NAV3: variants seen among roughly 807,000 people sequenced by gnomAD.
NAV3 encodes neuron navigator 3, also known as pore membrane and/or filament interacting like protein 1.
In NAV3, 87 loss-of-function variants were observed where a neutral mutation model predicts 244.7. The observed-to-expected ratio is 0.36, with a 90% confidence interval of 0.30 to 0.42. The LOEUF is 0.42. Ranked by LOEUF, NAV3 falls within the 20% of genes least tolerant of loss-of-function variation. The pLI is 1.00. For synonymous variants in NAV3, 1,126 were observed against 1,042.2 expected (o/e 1.08, Z -1.55); for missense variants, 2,663 against 2,893.3 (o/e 0.92, Z 1.83).
intron 2 of NAV3, among the ~76,000 whole-genome samples, chr12:77,651,064 A>G (rs1391685575): frequency 6.6e-6 from 1 of 152,128 alleles, no homozygotes; most frequent in African/African-American, 2.4e-5. Flanking sequence ...AACTCATCAA[A>G]GTACAACTAT....
chr12:77,740,023 A>C (rs995774354), intron 2 of NAV3, among the ~76,000 whole-genome samples: 1 of 152,356 alleles, frequency 6.6e-6, no homozygotes, highest in Middle Eastern at 3.4e-3. Flanking sequence ...TAATTTCTTC[A>C]GTGCTTTAAA....
chr12:78,159,208 C>T lies in NAV3; in HGVS notation c.4791C>T (p.His1597=), dbSNP rs1334929550. The change falls in exon 23 of 40, where the codon CAC becomes CAT. Residue 1597 remains histidine, a synonymous_variant. Coordinates refer to ENST00000397909, the MANE Select transcript of NAV3 (RefSeq NM_001024383.2). ...TTCTTCCATTCTGTTCACAGGCTCA[C>T]CTTGTAGCAGCTTTTGAAAAGAGCT... ...TLTSQLSANA[H]LVAAFEKSLG... is the part of the protein sequence containing the mutation. The T allele has an allele frequency of 1.9e-6, 3 of 1,612,922 alleles. No individual in the cohort carries two copies. The highest frequency in any genetic ancestry group is 2.7e-5 in the African/African-American group (2 of 74,842).
At chr12:78,005,208 G>T (rs1416783877) in intron 7 of NAV3, among the ~76,000 whole-genome samples, 1 of 152,082 alleles carries the variant, frequency 6.6e-6, no homozygotes, top group African/African-American at 2.4e-5. Flanking sequence ...GAGAAAAAAT[G>T]ACATTAGGGG....
intron 29 of NAV3, 142 bp downstream of exon 29, chr12:78,179,824 A>T (rs2305974): frequency 0.12 from 112,710 of 974,004 alleles, 8,371 homozygotes; most frequent in East Asian, 0.31. Flanking sequence ...TTTGCAACTC[A>T]TCTGTTAGTA....
At chr12:77,595,938 G>T (rs1312485567) in intron 2 of NAV3, among the ~76,000 whole-genome samples, 1 of 152,166 alleles carries the variant, frequency 6.6e-6, no homozygotes, top group African/African-American at 2.4e-5. Context: ...TAAATATTAT[G>T]AAAGAAGAAT....
chr12:77,579,135 A>G (rs1275336583), intron 2 of NAV3, among the ~76,000 whole-genome samples: 2 of 152,192 alleles, frequency 1.3e-5, no homozygotes, highest in Non-Finnish European at 2.9e-5. Context: ...GATCATTTCT[A>G]AAAAGCTTTA....
In NAV3 at chr12:77,982,669, A is replaced by T. The variant is rs544707585; in HGVS notation, c.672-12134A>T. Among the ~76,000 whole-genome samples the T allele has an allele frequency of 2.4e-4, 36 of 152,318 alleles. No homozygotes were observed. The East Asian group carries it at 6.4e-3, about 27-fold the overall frequency. On this transcript the variant is annotated intron_variant, in intron 5 of 39. Transcript: ENST00000397909. ...AAACAGTAACCATTTTACGATGCTC[A>T]TGGATTTTGTAAGCCAAAGAATCAG...
At chr12:78,017,591 A>G (rs971629874) in intron 8 of NAV3, among the ~76,000 whole-genome samples, 3 of 152,170 alleles carry the variant, frequency 2.0e-5, no homozygotes, top group African/African-American at 7.2e-5. Context: ...GAATATTATG[A>G]TACATATTTT....
At chr12:78,156,241 A>G (rs751848805) in intron 22 of NAV3, among the ~76,000 whole-genome samples, 25 of 151,978 alleles carry the variant, frequency 1.6e-4, no homozygotes, top group Non-Finnish European at 1.5e-4. Flanking sequence ...AGCACCATTT[A>G]TTAATTGTTT....
intron 2 of NAV3, among the ~76,000 whole-genome samples, chr12:77,741,456 G>C (rs1868335461): frequency 6.6e-6 from 1 of 151,966 alleles, no homozygotes; most frequent in Non-Finnish European, 1.5e-5. Context: ...GTTGCTGTCA[G>C]TTTTCTGTTT....
At chr12:78,155,443 A>G (rs1003443823) in intron 22 of NAV3, among the ~76,000 whole-genome samples, 31 of 152,082 alleles carry the variant, frequency 2.0e-4, no homozygotes, top group African/African-American at 7.0e-4. Flanking sequence ...GGTTGATTTC[A>G]TGTCTTTGCT....
intron 1 of NAV3, among the ~76,000 whole-genome samples, chr12:77,935,262 A>G (rs1473395597): frequency 6.6e-6 from 1 of 152,192 alleles, no homozygotes; most frequent in Non-Finnish European, 1.5e-5. Context: ...AAGGAAAATC[A>G]GAGTAGATCT....
chr12:77,989,666 A>G (rs1023538021), intron 5 of NAV3, among the ~76,000 whole-genome samples: 2 of 152,200 alleles, frequency 1.3e-5, no homozygotes, highest in African/African-American at 4.8e-5. Flanking sequence ...CATGAAATTG[A>G]TAAGACCAGT....
chr12:77,715,845 T>C (rs1406512995), intron 2 of NAV3, among the ~76,000 whole-genome samples: 2 of 152,070 alleles, frequency 1.3e-5, no homozygotes, highest in Admixed American at 1.3e-4. Context: ...TTTCAATCAT[T>C]GATGCAGAAT....
intron 2 of NAV3, among the ~76,000 whole-genome samples, chr12:77,645,439 A>G (rs1872569266): frequency 6.6e-6 from 1 of 150,766 alleles, no homozygotes; most frequent in African/African-American, 2.4e-5. Flanking sequence ...TTACATCTCT[A>G]AGGGACTGAA....
intron 12 of NAV3, among the ~76,000 whole-genome samples, chr12:78,092,799 C>T (rs1409768753): frequency 6.6e-6 from 1 of 151,996 alleles, no homozygotes; most frequent in Non-Finnish European, 1.5e-5. Flanking sequence ...CGCGCCCGGC[C>T]GTGTTAATTA....
chr12:78,079,733 A>G (rs1953250972), intron 12 of NAV3, among the ~76,000 whole-genome samples: 1 of 152,160 alleles, frequency 6.6e-6, no homozygotes, highest in Non-Finnish European at 1.5e-5. Flanking sequence ...CCCTGGTTTT[A>G]TATCTGGAAT....
intron 2 of NAV3, among the ~76,000 whole-genome samples, chr12:77,611,454 A>G (rs1870911383): frequency 6.6e-6 from 1 of 151,966 alleles, no homozygotes; most frequent in South Asian, 2.1e-4. Context: ...TTTTTCTCCT[A>G]TAAAATATTT....
At chr12:77,953,032 G>T (rs1297424015) in intron 3 of NAV3, among the ~76,000 whole-genome samples, 1 of 151,908 alleles carries the variant, frequency 6.6e-6, no homozygotes, top group African/African-American at 2.4e-5. Flanking sequence ...AAAAACAAAA[G>T]AATATATCTT....
Sources: gnomAD v4.1 joint callset for allele counts (sites outside exome capture counted in the v4.1 genomes callset) on GRCh38, gnomAD v4.1.1 for gene constraint, MANE v1.5 for transcripts, NCBI Gene and HGNC (gene_info 2026-07-23, HGNC 2026-07-21) for gene names.